The following SP4 variants were observed in gnomAD, a reference collection of about 807,000 sequenced individuals.
The protein encoded by SP4 is transcription factor Sp4.
In SP4, 19 loss-of-function variants were observed where a neutral mutation model predicts 72.8. The observed-to-expected ratio is 0.26, with a 90% CI of 0.18 to 0.38. The LOEUF (loss-of-function observed/expected upper bound fraction) is 0.38. Among genes scored for constraint, SP4 ranks in the 10% least tolerant of loss-of-function variants. SP4 has a pLI of 1.00. For missense variants in SP4, 1,008 were observed against 926.3 expected, an observed-to-expected ratio of 1.09 and a Z score of -1.14; for synonymous variants, 395 against 333.1, an observed-to-expected ratio of 1.19 and a Z score of -2.02.
At chr7:21,430,996 C>G (rs990883032) in intron 3 of SP4, among the ~76,000 whole-genome samples, 153 bp downstream of exon 3, 1 of 152,138 alleles carries the variant, frequency 6.6e-6, no homozygotes, top group African/African-American at 2.4e-5. Flanking sequence ...ACAAACATAG[C>G]TCTGTAGTAA....
chr7:21,471,247 T>C (rs1370939181), intron 3 of SP4: 2 of 376,186 alleles, frequency 5.3e-6, no homozygotes, highest in African/African-American at 4.3e-5. Context: ...GGAGGGCCCA[T>C]TGGCTTTTTG....
At chr7:21,463,209 G>T (rs899693088) in intron 3 of SP4, among the ~76,000 whole-genome samples, 5 of 151,860 alleles carry the variant, frequency 3.3e-5, no homozygotes, top group South Asian at 2.1e-4. Context: ...AGATACTTTT[G>T]GGTGACTTCT....
chr7:21,504,279 A>C (rs140489695), intron 5 of SP4, among the ~76,000 whole-genome samples: 68 of 152,256 alleles, frequency 4.5e-4, no homozygotes, highest in African/African-American at 1.5e-3. Flanking sequence ...TTCCCCTGCT[A>C]TTTATTAGAC....
At chr7:21,498,860 C>T (rs1028620542) in intron 5 of SP4, among the ~76,000 whole-genome samples, 4 of 151,962 alleles carry the variant, frequency 2.6e-5, no homozygotes, top group African/African-American at 4.8e-5. Flanking sequence ...CCGAGGCAGG[C>T]GGATCATGAG....
intron 3 of SP4, among the ~76,000 whole-genome samples, chr7:21,473,029 C>T (rs954496060): frequency 1.3e-5 from 2 of 152,070 alleles, no homozygotes; most frequent in Non-Finnish European, 2.9e-5. Context: ...AGACTTTGGT[C>T]GGTGGAAGAA....
chr7:21,479,277 A>G (rs1445990667), intron 4 of SP4, among the ~76,000 whole-genome samples: 1 of 141,088 alleles, frequency 7.1e-6, no homozygotes, highest in Non-Finnish European at 1.5e-5. Context: ...TTTTTTTTTT[A>G]AGATAATTTT....
intron 3 of SP4, among the ~76,000 whole-genome samples, chr7:21,458,267 A>G (rs1000914240): frequency 1.3e-5 from 2 of 152,150 alleles, no homozygotes; most frequent in Non-Finnish European, 2.9e-5. Flanking sequence ...GTCTTGGCTC[A>G]CTGCAAACTC....
chr7:21,476,672 T>C (rs996803642), intron 3 of SP4, among the ~76,000 whole-genome samples: 2 of 152,238 alleles, frequency 1.3e-5, no homozygotes, highest in Non-Finnish European at 2.9e-5. Context: ...TATGATAAGA[T>C]ATGTTGCTTA....
chr7:21,428,574 T>G, intron 1 of SP4, 103 bp from the exon 2 acceptor site: 4 of 1,104,564 alleles, frequency 3.6e-6, no homozygotes, highest in Non-Finnish European at 5.2e-6. Context: ...TTTATGGAGA[T>G]TAATGTTCGG....
chr7:21,505,169 A>G (rs1184344337), intron 5 of SP4, among the ~76,000 whole-genome samples: 4 of 152,210 alleles, frequency 2.6e-5, no homozygotes, highest in African/African-American at 7.2e-5. Context: ...AGCCAGTTAA[A>G]TCTAAAAATT....
chr7:21,475,655 G>T, intron 3 of SP4, among the ~76,000 whole-genome samples: 1 of 151,980 alleles, frequency 6.6e-6, no homozygotes. Context: ...AGTAGAGGCT[G>T]GGTTTCACCA....
At chr7:21,504,102 T>G (rs557459030) in intron 5 of SP4, among the ~76,000 whole-genome samples, 1 of 148,926 alleles carries the variant, frequency 6.7e-6, no homozygotes, top group Admixed American at 6.6e-5. Context: ...ATAGTCTAAT[T>G]TCTTCGTCCA....
At chr7:21,476,335 A>AT (rs1298555396) in intron 3 of SP4, among the ~76,000 whole-genome samples, 1 of 151,240 alleles carries the variant, frequency 6.6e-6, no homozygotes, top group Non-Finnish European at 1.5e-5. Context: ...ATGCCAATAG[A>AT]TTTTTTTATT....
intron 3 of SP4, among the ~76,000 whole-genome samples, chr7:21,445,988 ATG>A (rs4000966): frequency 0.14 from 19,750 of 142,886 alleles, 1,438 homozygotes; most frequent in Middle Eastern, 0.24. Flanking sequence ...TCTTATGTGT[ATG>A]TGTGTGTGTG....
At chr7:21,450,366 T>G (rs1783551221) in intron 3 of SP4, among the ~76,000 whole-genome samples, 1 of 152,180 alleles carries the variant, frequency 6.6e-6, no homozygotes, top group Admixed American at 6.5e-5. Context: ...GTTTTTTTAA[T>G]TTTAGGGGGC....
At chr7:21,460,644 G>A (rs1437205282) in intron 3 of SP4, among the ~76,000 whole-genome samples, 3 of 152,152 alleles carry the variant, frequency 2.0e-5, no homozygotes, top group African/African-American at 7.2e-5. Context: ...TTTACAGAGA[G>A]CCGATTGGTC....
intron 3 of SP4, among the ~76,000 whole-genome samples, chr7:21,470,817 C>T (rs927738814): frequency 2.0e-5 from 3 of 150,652 alleles, no homozygotes; most frequent in Non-Finnish European, 4.4e-5. Flanking sequence ...CTCCAAGCAG[C>T]CTTGGAATGT....
chr7:21,499,040 A>G (rs1269881869), intron 5 of SP4, among the ~76,000 whole-genome samples: 1 of 147,516 alleles, frequency 6.8e-6, no homozygotes, highest in Non-Finnish European at 1.5e-5. Flanking sequence ...AGATCACGCC[A>G]CTGCACTCCA....
At chr7:21,487,170 A>C (rs1784837427) in intron 5 of SP4, among the ~76,000 whole-genome samples, 1 of 152,178 alleles carries the variant, frequency 6.6e-6, no homozygotes, top group African/African-American at 2.4e-5. Context: ...GGCCATTGGA[A>C]GGTCTTTCAC....
Sources: gnomAD v4.1 joint callset for allele counts (sites outside exome capture counted in the v4.1 genomes callset) on GRCh38, gnomAD v4.1.1 for gene constraint, MANE v1.5 for transcripts, NCBI Gene and HGNC (gene_info 2026-07-23, HGNC 2026-07-21) for gene names.